Variants in PPP2R5A observed in about 807,000 individuals in gnomAD.
PPP2R5A encodes protein phosphatase 2 regulatory subunit B'alpha, also known as serine/threonine-protein phosphatase 2A 56 kDa regulatory subunit alpha isoform.
Under a neutral mutation model 64.2 loss-of-function variants are expected in PPP2R5A, and 25 were observed. That is an observed-to-expected ratio of 0.39 (90% confidence interval 0.28 to 0.54). The LOEUF (loss-of-function observed/expected upper bound fraction) is 0.54, where lower values mean the gene tolerates loss of function less well. Ranked by LOEUF, PPP2R5A falls within the 20% of genes least tolerant of loss-of-function variation. The pLI is 0.67. For synonymous variants in PPP2R5A, 198 were observed against 201.2 expected, an observed-to-expected ratio of 0.98 and a Z score of 0.13; for missense variants, 425 against 576.3, an observed-to-expected ratio of 0.74 and a Z score of 2.69.
intron 2 of PPP2R5A, among the ~76,000 whole-genome samples, chr1:212,330,083 G>GA (rs1558149233): frequency 6.6e-6 from 1 of 151,806 alleles, no homozygotes; most frequent in Non-Finnish European, 1.5e-5. Flanking sequence ...ATCTGATGTG[G>GA]AAAAAAAACT....
At chr1:212,340,577 C>A (rs1307821466) in intron 3 of PPP2R5A, among the ~76,000 whole-genome samples, 1 of 152,180 alleles carries the variant, frequency 6.6e-6, no homozygotes, top group African/African-American at 2.4e-5. Context: ...GCAAAATTAT[C>A]TTTTATCTCT....
At chr1:212,341,808 C>T (rs756613244) in intron 3 of PPP2R5A, among the ~76,000 whole-genome samples, 6 of 152,206 alleles carry the variant, frequency 3.9e-5, no homozygotes, top group South Asian at 2.1e-4. Context: ...GGCACAGTCA[C>T]GGCTAACTGC....
intron 3 of PPP2R5A, 108 bp downstream of exon 3, chr1:212,333,706 A>G: frequency 1.7e-6 from 1 of 579,632 alleles, no homozygotes; most frequent in Middle Eastern, 2.8e-4. Flanking sequence ...TTTGACTTTT[A>G]TGGTTTTATT....
intron 1 of PPP2R5A, among the ~76,000 whole-genome samples, chr1:212,325,163 G>GAT (rs1659384651): frequency 6.6e-6 from 1 of 152,102 alleles, no homozygotes; most frequent in Non-Finnish European, 1.5e-5. Context: ...GAAATCTTTT[G>GAT]GTGGTTGATG....
chr1:212,336,191 T>G (rs1027424106), intron 3 of PPP2R5A, among the ~76,000 whole-genome samples: 2 of 152,172 alleles, frequency 1.3e-5, no homozygotes, highest in African/African-American at 2.4e-5. Context: ...CTCGGCTCAC[T>G]GCAACCTCCA....
At chr1:212,304,087 CTT>C (rs1468204970) in intron 1 of PPP2R5A, among the ~76,000 whole-genome samples, 2 of 152,122 alleles carry the variant, frequency 1.3e-5, no homozygotes, top group Non-Finnish European at 2.9e-5. Context: ...ATAGCTATAT[CTT>C]TCTCTCTAAA....
At chr1:212,305,418 G>T (rs1210805276) in intron 1 of PPP2R5A, among the ~76,000 whole-genome samples, 2 of 152,006 alleles carry the variant, frequency 1.3e-5, no homozygotes, top group African/African-American at 4.8e-5. Context: ...AATTTTTGAG[G>T]TTTGTTTTAT....
intron 4 of PPP2R5A, among the ~76,000 whole-genome samples, chr1:212,343,775 T>C (rs781338919): frequency 9.2e-5 from 14 of 152,226 alleles, no homozygotes; most frequent in Middle Eastern, 3.2e-3. Context: ...AGTAATGCCA[T>C]ATGAAATTGT....
chr1:212,332,910 T>A (rs900674713), intron 2 of PPP2R5A, among the ~76,000 whole-genome samples: 4 of 149,672 alleles, frequency 2.7e-5, no homozygotes, highest in African/African-American at 9.7e-5. Flanking sequence ...TATTTTTATT[T>A]TTATTTTTGG....
intron 1 of PPP2R5A, among the ~76,000 whole-genome samples, chr1:212,321,356 C>T (rs1413082860): frequency 6.6e-6 from 1 of 151,174 alleles, no homozygotes; most frequent in East Asian, 2.0e-4. Flanking sequence ...GGGCGGCTGG[C>T]CGGGCGGGGG....
chr1:212,334,247 G>A (rs1419180728), intron 3 of PPP2R5A, among the ~76,000 whole-genome samples: 3 of 152,054 alleles, frequency 2.0e-5, no homozygotes, highest in Non-Finnish European at 4.4e-5. Context: ...CTATGTATAA[G>A]TTTTTGCTTG....
chr1:212,356,608 A>G lies in PPP2R5A; in HGVS notation c.928-18A>G. 1 of 1,606,728 alleles carries G rather than the reference A, an allele frequency of 6.2e-7. No homozygotes were observed. Among genetic ancestry groups the G allele is most frequent in the Non-Finnish European group, 8.5e-7 (1 of 1,177,464 alleles). ...AGCTTTGTTATTAAATTCATGCTAA[A>G]CTTTTTCTTTTTCGCAGGTGATCAG... is the stretch of plus-strand genomic sequence containing the variant. On this transcript the variant is annotated intron_variant, in intron 8 of 12. Coordinates refer to ENST00000261461, the MANE Select transcript of PPP2R5A (RefSeq NM_006243.4).
chr1:212,342,261 A>G lies in PPP2R5A; in HGVS notation c.554A>G (p.Asp185Gly). The part of the protein sequence containing the change: ...FQPSIAKRYI[D>G]QKFVQQLLEL... ...CCTAGCATTGCAAAACGATACATTG[A>G]TCAGAAATTCGTACAACAGGTAAGG... Residue 185 changes from aspartate to glycine, a missense_variant, in exon 4 of 13, where the codon GAT becomes GGT. Physicochemically the swap from Asp to Gly is moderately conservative, Grantham distance 94. Around this residue, in one of 4 missense-constraint regions of PPP2R5A, gnomAD observed 140 missense variants for 204.4 expected, o/e 0.68. Coordinates refer to ENST00000261461, the MANE Select transcript of PPP2R5A (RefSeq NM_006243.4). 1 of 1,613,346 alleles carries G rather than the reference A, an allele frequency of 6.2e-7. No homozygotes were observed. The highest frequency in any genetic ancestry group is 8.5e-7 in the Non-Finnish European group (1 of 1,179,626).
chr1:212,322,226 GGGAGAGGGAGAGGGA>G (rs1558147111), intron 1 of PPP2R5A, among the ~76,000 whole-genome samples: 2 of 112,434 alleles, frequency 1.8e-5, no homozygotes, highest in Non-Finnish European at 3.2e-5. Context: ...TGTGGGGAGA[GGGAGAGGGAGAGGGA>G]GAGGAGGGAG....
chr1:212,328,914 A>ATT (rs1318296588), intron 1 of PPP2R5A, among the ~76,000 whole-genome samples: 2 of 147,482 alleles, frequency 1.4e-5, no homozygotes, highest in African/African-American at 4.8e-5. Flanking sequence ...GCAAGACCAT[A>ATT]TTTCTTTAAA....
chr1:212,306,743 T>G (rs956354148), intron 1 of PPP2R5A: 1 of 128,624 alleles, frequency 7.8e-6, no homozygotes, highest in African/African-American at 4.8e-5. Context: ...CCATTTACAT[T>G]TATTTATTTA....
rs573280611 is a variant in PPP2R5A, at chr1:212,307,782, GCT to G, written c.182-21352_182-21351del. On this transcript the variant is annotated intron_variant, in intron 1 of 12. Transcript: ENST00000261461. Reference sequence around the variant, plus strand: ...TTTAGTGTTTCTATAAGGTAGAACAGCTAGCAAAAAATTCTTCGTTTTTATTT... The same window carrying G: ...TTTAGTGTTTCTATAAGGTAGAACAGAGCAAAAAATTCTTCGTTTTTATTT... Among the ~76,000 whole-genome samples the G allele has an allele frequency of 2.5e-3, 387 of 152,238 alleles. 2 individuals carry two copies. Among genetic ancestry groups the G allele is most frequent in the Non-Finnish European group, 4.0e-3 (271 of 68,000 alleles).
At chr1:212,319,424 G>A (rs901213094) in intron 1 of PPP2R5A, 6 of 152,142 alleles carry the variant, frequency 3.9e-5, no homozygotes, top group African/African-American at 1.4e-4. Flanking sequence ...CAGAATGGAC[G>A]TTATCATCCG....
At chr1:212,307,037 G>T (rs1658928254) in intron 1 of PPP2R5A, 1 of 152,116 alleles carries the variant, frequency 6.6e-6, no homozygotes, top group Admixed American at 6.5e-5. Context: ...GGGATTACAG[G>T]CGTGAGTCAC....
Sources: gnomAD v4.1 joint callset for allele counts (sites outside exome capture counted in the v4.1 genomes callset) on GRCh38, gnomAD v4.1.1 for gene constraint, gnomAD v4.1.1 regional missense constraint, MANE v1.5 for transcripts, NCBI Gene and HGNC (gene_info 2026-07-23, HGNC 2026-07-21) for gene names.